BIRC6: variants seen among roughly 807,000 people sequenced by gnomAD.
The protein encoded by BIRC6 is dual E2 ubiquitin-conjugating enzyme/E3 ubiquitin-protein ligase BIRC6.
Under a neutral mutation model 503.3 loss-of-function variants are expected in BIRC6, and 98 were observed. The ratio of observed to expected loss-of-function variants is 0.19; its 90% CI spans 0.17 to 0.23. BIRC6 has a LOEUF of 0.23. Among genes scored for constraint, BIRC6 ranks in the 10% least tolerant of loss-of-function variants. BIRC6 has a pLI of 1.00. For missense variants in BIRC6, 5,360 were observed against 5,806.0 expected (o/e 0.92, Z 2.50); for synonymous variants, 2,240 against 2,078.7 (o/e 1.08, Z -2.11).
chr2:32,531,005 G>C (rs534826348), intron 60 of BIRC6, among the ~76,000 whole-genome samples: 22 of 152,246 alleles, frequency 1.4e-4, no homozygotes, highest in Non-Finnish European at 3.2e-4. Context: ...TAGGATATAC[G>C]TTAAAGTATG....
At chr2:32,600,358 T>C (rs1226303228) in intron 70 of BIRC6, among the ~76,000 whole-genome samples, 1 of 152,214 alleles carries the variant, frequency 6.6e-6, no homozygotes, top group Non-Finnish European at 1.5e-5. Context: ...TTTGATAGAA[T>C]TTCAATGGTA....
intron 69 of BIRC6, among the ~76,000 whole-genome samples, chr2:32,599,135 C>T (rs1259786015): frequency 6.6e-6 from 1 of 150,958 alleles, no homozygotes; most frequent in East Asian, 1.9e-4. Context: ...TCAAGAACAG[C>T]CTGGCTGATG....
intron 42 of BIRC6, among the ~76,000 whole-genome samples, 161 bp from the exon 43 acceptor site, chr2:32,489,880 G>C (rs1434714162): frequency 6.6e-6 from 1 of 152,170 alleles, no homozygotes; most frequent in Non-Finnish European, 1.5e-5. Flanking sequence ...TGCGTTAGTT[G>C]TATTTAATGG....
intron 61 of BIRC6, among the ~76,000 whole-genome samples, chr2:32,535,282 G>A (rs1350096961): frequency 6.6e-6 from 1 of 151,096 alleles, no homozygotes; most frequent in Non-Finnish European, 1.5e-5. Context: ...GAAACCATAT[G>A]AGCCAGGGAA....
intron 73 of BIRC6, 46 bp downstream of exon 73, chr2:32,611,628 G>T (rs757341394): frequency 1.4e-6 from 2 of 1,481,282 alleles, no homozygotes; most frequent in Non-Finnish European, 1.8e-6. Context: ...TAAGAGTTGT[G>T]TAATTATTGA....
chr2:32,469,618 G>A lies in BIRC6; in HGVS notation c.6347+4G>A. 6.3e-7 allele frequency: 1 copy of A among 1,597,942 alleles called. No homozygotes were observed. Among genetic ancestry groups the A allele is most frequent in the South Asian group, 1.1e-5 (1 of 89,066 alleles). On this transcript the variant is annotated splice_donor_region_variant and intron_variant, in intron 30 of 73. Coordinates refer to ENST00000421745, the MANE Select transcript of BIRC6 (RefSeq NM_016252.4). ...TTCTCATCTTTCCACAGGATAGGTA[G>A]GTCAGAAAATGTTGGAGGTATTTGT... is the stretch of plus-strand genomic sequence containing the variant.
rs771582790 is a variant in BIRC6, at chr2:32,549,356, G to C, written c.13019G>C (p.Gly4340Ala). The change falls in exon 65 of 74, where the codon GGA becomes GCA. Residue 4340 changes from glycine (G) to alanine (A), a missense_variant. Gly to Ala is a moderately conservative substitution (Grantham distance 60, BLOSUM62 0). Transcript: ENST00000421745. The part of the protein sequence containing the change: ...YINPVSSAVN[G>A]EAQSSHETRG... ...AATCCCGTCAGTAGTGCGGTAAATGGAGAAGCTCAGTCATCTCATGAGACT... is the reference window on the plus strand; with the variant it reads ...AATCCCGTCAGTAGTGCGGTAAATGCAGAAGCTCAGTCATCTCATGAGACT... 2 of 1,490,508 alleles carry C rather than the reference G, an allele frequency of 1.3e-6. No homozygotes were observed. The allele number at this position is 1,490,508 out of a possible 1,614,324, so 92.3% of individuals were successfully genotyped here.
At chr2:32,450,059 A>C (rs1368069825) in intron 22 of BIRC6, among the ~76,000 whole-genome samples, 1 of 152,226 alleles carries the variant, frequency 6.6e-6, no homozygotes, top group East Asian at 1.9e-4. Flanking sequence ...CCTTCAGTAT[A>C]CCAAAAGAAG....
At chr2:32,535,284 G>A (rs1414427165) in intron 61 of BIRC6, among the ~76,000 whole-genome samples, 2 of 151,366 alleles carry the variant, frequency 1.3e-5, no homozygotes, top group Non-Finnish European at 2.9e-5. Context: ...AACCATATGA[G>A]CCAGGGAATT....
intron 10 of BIRC6, 118 bp downstream of exon 10, chr2:32,416,281 G>T: frequency 2.9e-6 from 3 of 1,051,486 alleles, no homozygotes; most frequent in Non-Finnish European, 4.1e-6. Flanking sequence ...TAATTTTTTT[G>T]TAATGAAGTG....
Position 32,501,865 on chromosome 2 carries a change from G to A in BIRC6, c.9184G>A (p.Ala3062Thr), listed in dbSNP as rs2053232217. ...GCTGCAGCCAATTTTAACATACATGGCCTGTGGATATATGGGCAGACAAGT... is the reference window on the plus strand; with the variant it reads ...GCTGCAGCCAATTTTAACATACATGACCTGTGGATATATGGGCAGACAAGT... ...MMLQPILTYM[A>T]CGYMGRQGSL... is the part of the protein sequence containing the mutation. The change falls in exon 47 of 74, where the codon GCC becomes ACC. Residue 3062 changes from alanine to threonine, a missense_variant. This residue lies in a region of BIRC6 where 267 missense variants were observed against 287.6 expected (regional missense o/e 0.93). Coordinates refer to ENST00000421745, the MANE Select transcript of BIRC6 (RefSeq NM_016252.4). 6.2e-7 allele frequency: 1 copy of A among 1,611,100 alleles called. No homozygotes were observed. Among genetic ancestry groups the A allele is most frequent in the Non-Finnish European group, 8.5e-7 (1 of 1,179,156 alleles).
chr2:32,502,811 G>C lies in BIRC6; in HGVS notation c.9224G>C (p.Cys3075Ser). 1 of 1,611,732 alleles carries C rather than the reference G, an allele frequency of 6.2e-7. No individual in the cohort carries two copies. The highest frequency in any genetic ancestry group is 8.5e-7 in the Non-Finnish European group (1 of 1,179,174). ...ATTTTTTAGGGCTCTCTTGCTACTT[G>C]CCAGTTATCTGAGCCATTATTGTGG... The part of the protein sequence containing the change: ...YMGRQGSLAT[C>S]QLSEPLLWFI... The change falls in exon 48 of 74, where the codon TGC becomes TCC. Residue 3075 changes from cysteine (C) to serine (S), a missense_variant. Physicochemically the swap from Cys to Ser is moderately radical, Grantham distance 112. This residue lies in a region of BIRC6 where 267 missense variants were observed against 287.6 expected (regional missense o/e 0.93). Coordinates refer to ENST00000421745, the MANE Select transcript of BIRC6 (RefSeq NM_016252.4).
intron 32 of BIRC6, among the ~76,000 whole-genome samples, chr2:32,472,713 T>C (rs1010096993): frequency 6.6e-6 from 1 of 152,216 alleles, no homozygotes; most frequent in Non-Finnish European, 1.5e-5. Flanking sequence ...TTGGTAGTTA[T>C]TAGTTAAATT....
chr2:32,538,756 C>T (rs1392516315), intron 61 of BIRC6, among the ~76,000 whole-genome samples: 1 of 152,152 alleles, frequency 6.6e-6, no homozygotes, highest in African/African-American at 2.4e-5. Flanking sequence ...CATGGTGAAA[C>T]CCTGCCTCTA....
At chr2:32,610,015 T>G (rs2062752688) in intron 72 of BIRC6, among the ~76,000 whole-genome samples, 1 of 152,222 alleles carries the variant, frequency 6.6e-6, no homozygotes, top group Admixed American at 6.5e-5. Context: ...TGTTGTTCTT[T>G]AAAATATATT....
At chr2:32,568,187 C>CTTTTT (rs752609126) in intron 65 of BIRC6, among the ~76,000 whole-genome samples, 1 of 139,226 alleles carries the variant, frequency 7.2e-6, no homozygotes, top group Non-Finnish European at 1.6e-5. Context: ...TAAGTTTTAT[C>CTTTTT]TTTTTTTTTT....
At position 32,597,845 on chromosome 2, in the gene BIRC6, G is replaced by T. The variant is rs144705632; in HGVS notation, c.13707G>T (p.Ala4569=). 4.3e-6 allele frequency: 7 copies of T among 1,613,724 alleles called. No homozygotes were observed. The highest frequency in any genetic ancestry group is 5.9e-6 in the Non-Finnish European group (7 of 1,179,712). ...CTCAGGTGAAAAATGCTAATGATGC[G>T]AACAGTGCTGCCAGAGCTCGCCGCC... ...YMSQVKNAND[A]NSAARARRLA... Residue 4569 remains alanine (A), a synonymous_variant, in exon 69 of 74, where the codon GCG becomes GCT. Transcript: ENST00000421745.
intron 45 of BIRC6, among the ~76,000 whole-genome samples, chr2:32,499,136 T>A (rs2052844012): frequency 1.3e-5 from 2 of 152,260 alleles, no homozygotes; most frequent in Admixed American, 6.5e-5. Context: ...ATGATTTGAT[T>A]GAATCTTAAT....
At chr2:32,485,816 T>A (rs1226657457) in intron 40 of BIRC6, 57 bp downstream of exon 40, 1 of 1,166,954 alleles carries the variant, frequency 8.6e-7, no homozygotes, top group African/African-American at 1.5e-5. Context: ...TCTTCATCAT[T>A]TTCAGGTGGA....
Sources: gnomAD v4.1 joint callset for allele counts (sites outside exome capture counted in the v4.1 genomes callset) on GRCh38, gnomAD v4.1.1 for gene constraint, gnomAD v4.1.1 regional missense constraint, MANE v1.5 for transcripts, NCBI Gene and HGNC (gene_info 2026-07-23, HGNC 2026-07-21) for gene names.